HTR1F: variants seen among roughly 807,000 people sequenced by gnomAD.
HTR1F encodes the protein 5-hydroxytryptamine receptor 1F.
Under a neutral mutation model 24.0 loss-of-function variants are expected in HTR1F, and 17 were observed. The ratio of observed to expected loss-of-function variants is 0.71; its 90% CI spans 0.48 to 1.06. The LOEUF (loss-of-function observed/expected upper bound fraction) is 1.06. Among genes scored for constraint, HTR1F ranks in the 50% least tolerant of loss-of-function variants. The pLI, the probability that HTR1F is intolerant of heterozygous loss-of-function variation, is 0.00. For synonymous variants in HTR1F, 186 were observed against 156.8 expected (o/e 1.19, Z -1.39); for missense variants, 391 against 427.8 (o/e 0.91, Z 0.76).
intron 2 of HTR1F, among the ~76,000 whole-genome samples, chr3:87,940,852 A>T (rs2919262): frequency 1 from 151,698 of 152,334 alleles, 75,531 homozygotes; most frequent in Middle Eastern, 1. Context: ...CAAGTCTCCT[A>T]TAGCAGTGAG....
chr3:87,909,729 T>G (rs1703736971), intron 2 of HTR1F, among the ~76,000 whole-genome samples: 1 of 151,912 alleles, frequency 6.6e-6, no homozygotes, highest in Admixed American at 6.6e-5. Flanking sequence ...AGCCCCAGAG[T>G]CTTTAGAAAT....
At chr3:87,804,330 G>C (rs549072984) in intron 1 of HTR1F, among the ~76,000 whole-genome samples, 1 of 151,900 alleles carries the variant, frequency 6.6e-6, no homozygotes, top group Non-Finnish European at 1.5e-5. Context: ...CCAGCTATTC[G>C]GGAGGCTGAA....
chr3:87,893,742 T>C (rs1246288906), intron 2 of HTR1F, among the ~76,000 whole-genome samples: 1 of 152,238 alleles, frequency 6.6e-6, no homozygotes, highest in Non-Finnish European at 1.5e-5. Flanking sequence ...TCCTAAGTCA[T>C]CTCAGAAAGT....
intron 2 of HTR1F, among the ~76,000 whole-genome samples, chr3:87,881,921 C>G (rs1367442108): frequency 2.0e-5 from 3 of 152,078 alleles, no homozygotes; most frequent in African/African-American, 7.2e-5. Flanking sequence ...AGTGAACAGG[C>G]AACCCACAAA....
At chr3:87,945,123 T>A (rs111682010) in intron 2 of HTR1F, among the ~76,000 whole-genome samples, 101 of 150,430 alleles carry the variant, frequency 6.7e-4, no homozygotes, top group Middle Eastern at 6.9e-3. Context: ...TCTCTCTCTC[T>A]CTCTCTCCTC....
chr3:87,979,440 G>A (rs147739285), intron 2 of HTR1F, among the ~76,000 whole-genome samples: 213 of 152,264 alleles, frequency 1.4e-3, no homozygotes, highest in African/African-American at 5.0e-3. Flanking sequence ...CTAGTTGGCC[G>A]ACAGAGACCC....
chr3:87,917,146 A>G (rs1703911758), intron 2 of HTR1F, among the ~76,000 whole-genome samples: 2 of 151,924 alleles, frequency 1.3e-5, no homozygotes, highest in South Asian at 4.2e-4. Flanking sequence ...ATTAAAATTA[A>G]AAAATTCTTC....
intron 2 of HTR1F, among the ~76,000 whole-genome samples, chr3:87,897,859 T>C (rs1175025312): frequency 6.6e-6 from 1 of 152,144 alleles, no homozygotes; most frequent in Non-Finnish European, 1.5e-5. Context: ...CTTATCTATC[T>C]CCAACCAACT....
intron 2 of HTR1F, among the ~76,000 whole-genome samples, chr3:87,885,069 AAAATTG>A (rs1334852213): frequency 6.6e-6 from 1 of 152,186 alleles, no homozygotes; most frequent in Non-Finnish European, 1.5e-5. Context: ...CACTTATTCC[AAAATTG>A]ACTACATAGT....
chr3:87,974,594 T>A (rs1431874179), intron 2 of HTR1F, among the ~76,000 whole-genome samples: 1 of 152,172 alleles, frequency 6.6e-6, no homozygotes, highest in Non-Finnish European at 1.5e-5. Context: ...AATGCGTTTA[T>A]CTCATCATAT....
chr3:87,963,864 A>AG (rs1705112764), intron 2 of HTR1F, among the ~76,000 whole-genome samples: 1 of 152,110 alleles, frequency 6.6e-6, no homozygotes, highest in South Asian at 2.1e-4. Flanking sequence ...TTTGGAAGCA[A>AG]GGTCTATACT....
At chr3:87,920,766 T>C (rs1576031773) in intron 2 of HTR1F, among the ~76,000 whole-genome samples, 1 of 151,936 alleles carries the variant, frequency 6.6e-6, no homozygotes, top group Admixed American at 6.6e-5. Flanking sequence ...AAAAAAGAAC[T>C]ATTGAGTACT....
chr3:87,802,429 G>A (rs1704010111), intron 1 of HTR1F, among the ~76,000 whole-genome samples: 1 of 150,970 alleles, frequency 6.6e-6, no homozygotes, highest in Non-Finnish European at 1.5e-5. Flanking sequence ...CAGCAGCCTT[G>A]AAATTTGGGG....
chr3:87,833,103 A>G (rs1559598619), intron 2 of HTR1F, among the ~76,000 whole-genome samples: 1 of 152,134 alleles, frequency 6.6e-6, no homozygotes, highest in Non-Finnish European at 1.5e-5. Context: ...GCTGCAAAGG[A>G]TAACACTCTG....
At chr3:87,966,984 C>A (rs374421407) in intron 2 of HTR1F, among the ~76,000 whole-genome samples, 1 of 152,072 alleles carries the variant, frequency 6.6e-6, no homozygotes, top group Non-Finnish European at 1.5e-5. Context: ...ATAAATTAAA[C>A]CTACAAATGA....
intron 2 of HTR1F, among the ~76,000 whole-genome samples, chr3:87,959,655 G>A (rs1191957928): frequency 6.6e-6 from 1 of 151,726 alleles, no homozygotes; most frequent in Non-Finnish European, 1.5e-5. Context: ...AAAGTGCATT[G>A]TTGAAAGGAT....
intron 2 of HTR1F, among the ~76,000 whole-genome samples, chr3:87,890,620 A>T (rs190264014): frequency 1.3e-5 from 2 of 151,440 alleles, no homozygotes; most frequent in East Asian, 3.9e-4. Flanking sequence ...TACGGTGGAT[A>T]AACTTGTAAA....
intron 2 of HTR1F, among the ~76,000 whole-genome samples, chr3:87,836,379 A>G (rs115163273): frequency 6.6e-6 from 1 of 152,310 alleles, no homozygotes; most frequent in African/African-American, 2.4e-5. Flanking sequence ...GAGTCATATA[A>G]TAATGTGTCC....
At chr3:87,904,473 C>T (rs555150111) in intron 2 of HTR1F, among the ~76,000 whole-genome samples, 57 of 152,024 alleles carry the variant, frequency 3.7e-4, no homozygotes, top group African/African-American at 1.2e-3. Flanking sequence ...TGAAAACAAC[C>T]GAAGTGGCCA....
Sources: gnomAD v4.1 joint callset for allele counts (sites outside exome capture counted in the v4.1 genomes callset) on GRCh38, gnomAD v4.1.1 for gene constraint, MANE v1.5 for transcripts, NCBI Gene and HGNC (gene_info 2026-07-23, HGNC 2026-07-21) for gene names.